Variants in TAS2R38 observed in about 807,000 individuals in gnomAD.
TAS2R38 encodes the protein taste receptor type 2 member 38.
In TAS2R38, 11 loss-of-function variants were observed where a neutral mutation model predicts 16.4. The observed-to-expected ratio is 0.67, with a 90% CI of 0.42 to 1.11. The LOEUF (loss-of-function observed/expected upper bound fraction) is 1.11, where lower values mean the gene tolerates loss of function less well. TAS2R38 is among the 50% of genes least tolerant of loss of function. The pLI is 0.00. For synonymous variants in TAS2R38, 149 were observed against 155.6 expected (o/e 0.96, Z 0.32); for missense variants, 364 against 395.8 (o/e 0.92, Z 0.68).
chr7:141,973,046 A>T lies in TAS2R38; in HGVS notation c.644T>A (p.Met215Lys). 1 of 1,614,158 alleles carries T rather than the reference A, an allele frequency of 6.2e-7. No homozygotes were observed. The highest frequency in any genetic ancestry group is 1.7e-4 in the Middle Eastern group (1 of 6,060). Residue 215 changes from methionine (M) to lysine (K), a missense_variant, in exon 1 of 1, where the codon ATG becomes AAG. Transcript: ENST00000547270. Reference protein sequence around the residue: ...PFLLFLVSSGMLTVSLGRHMR... With the variant: ...PFLLFLVSSGKLTVSLGRHMR... ...GTGCCTTCCCAGGGAGACAGTCAGC[A>T]TCCCAGAAGAAACCAGAAACAATAG... is the stretch of plus-strand genomic sequence containing the variant.
At position 141,973,241 on chromosome 7, in the gene TAS2R38, C is replaced by T. The variant is rs1803399497; in HGVS notation, c.449G>A (p.Cys150Tyr). The change falls in exon 1 of 1, where the codon TGC becomes TAC. Residue 150 changes from cysteine (C) to tyrosine (Y), a missense_variant. By Grantham distance (194) the Cys-to-Tyr change is radical. Transcript: ENST00000547270. ...ISQMLLGIIL[C>Y]SCICTVLCVW... ...ACAGAGGACAGTGCAGATGCAGGAG[C>T]AAAGAATAATACCCAGGAGCATCTG... 1 of 1,614,004 alleles carries T rather than the reference C, an allele frequency of 6.2e-7. No individual in the cohort carries two copies. Among genetic ancestry groups the T allele is most frequent in the Non-Finnish European group, 8.5e-7 (1 of 1,179,978 alleles).
chr7:141,972,865 G>A lies in TAS2R38; in HGVS notation c.825C>T (p.Asp275=). ...ISVPLLILWR[D]KIGVMVCVGI... is the part of the protein sequence containing the mutation. ...CAACACAAACCATCACCCCTATTTT[G>A]TCGCGCCACAGAATCAGTAGGGGCA... Residue 275 remains aspartate, a synonymous_variant, in exon 1 of 1, where the codon GAC becomes GAT. Transcript: ENST00000547270. 1 of 1,614,070 alleles carries A rather than the reference G, an allele frequency of 6.2e-7. No homozygotes were observed.
At position 141,973,667 on chromosome 7, in the gene TAS2R38, C is replaced by A. The variant is rs375588043; in HGVS notation, c.23G>T (p.Arg8Leu). MLTLTRIRTVSYEVRSTF... is the reference protein window; with the variant it reads MLTLTRILTVSYEVRSTF... The stretch of plus-strand genomic sequence containing the variant: ...ACTCCTGACTTCATAGGACACAGTG[C>A]GGATGCGAGTTAGAGTCAACATGAT... Residue 8 changes from arginine (R) to leucine (L), a missense_variant, in exon 1 of 1, where the codon CGC (arginine) becomes CTC (leucine). By Grantham distance (102) the Arg-to-Leu change is moderately radical (BLOSUM62 -2). Transcript: ENST00000547270. The A allele has an allele frequency of 1.7e-5, 27 of 1,613,296 alleles. No homozygotes were observed. Among genetic ancestry groups the A allele is most frequent in the African/African-American group, 2.7e-5 (2 of 74,888 alleles).
chr7:141,973,548 G>T lies in TAS2R38; in HGVS notation c.142C>A (p.Gln48Lys). 6.2e-7 allele frequency: 1 copy of T among 1,614,122 alleles called. No homozygotes were observed. Residue 48 changes from glutamine (Q) to lysine (K), a missense_variant, in exon 1 of 1, where the codon CAG becomes AAG. Coordinates refer to ENST00000547270, the MANE Select transcript of TAS2R38 (RefSeq NM_176817.5). ...ACACAATCACTGTTGCTCAGTGCCT[G>T]CCTCTTCACTACATCCCAAAAATTC... is the stretch of plus-strand genomic sequence containing the variant. ...LVNFWDVVKR[Q>K]ALSNSDCVLL...
chr7:141,973,011 T>A lies in TAS2R38; in HGVS notation c.679A>T (p.Met227Leu). 6.2e-7 allele frequency: 1 copy of A among 1,614,050 alleles called. No individual in the cohort carries two copies. The highest frequency in any genetic ancestry group is 8.5e-7 in the Non-Finnish European group (1 of 1,180,006). The change falls in exon 1 of 1, where the codon ATG (methionine) becomes TTG (leucine). Residue 227 changes from methionine (M) to leucine (L), a missense_variant. By Grantham distance (15) the Met-to-Leu change is conservative. Coordinates refer to ENST00000547270, the MANE Select transcript of TAS2R38 (RefSeq NM_176817.5). ...CGAGAGTTTCTGGTATAGACCTTCA[T>A]TGTCCTCATGTGCCTTCCCAGGGAG... is the stretch of plus-strand genomic sequence containing the variant. ...TVSLGRHMRT[M>L]KVYTRNSRDP...
Position 141,973,035 on chromosome 7 carries a change from A to G in TAS2R38, c.655T>C (p.Ser219Pro). The G allele has an allele frequency of 6.2e-7, 1 of 1,614,114 alleles. No homozygotes were observed. ...FLVSSGMLTVSLGRHMRTMKV... is the reference protein window; with the variant it reads ...FLVSSGMLTVPLGRHMRTMKV... ...ATTGTCCTCATGTGCCTTCCCAGGG[A>G]GACAGTCAGCATCCCAGAAGAAACC... Residue 219 changes from serine to proline, a missense_variant, in exon 1 of 1, where the codon TCC becomes CCC. Ser to Pro is a moderately conservative substitution (Grantham distance 74). Transcript: ENST00000547270.
chr7:141,972,714 T>C lies in TAS2R38; in HGVS notation c.976A>G (p.Lys326Glu). The change falls in exon 1 of 1, where the codon AAG (lysine) becomes GAG (glutamate). Residue 326 changes from lysine (K) to glutamate (E), a missense_variant. By Grantham distance (56) the Lys-to-Glu change is moderately conservative. Coordinates refer to ENST00000547270, the MANE Select transcript of TAS2R38 (RefSeq NM_176817.5). ...QSSLKVRADH[K>E]ADSRTLC The stretch of plus-strand genomic sequence containing the variant: ...CAGCACAGTGTCCGGGAATCTGCCT[T>C]GTGGTCGGCTCTTACCTTCAGGCTG... 6.2e-7 allele frequency: 1 copy of C among 1,612,972 alleles called. No homozygotes were observed. The highest frequency in any genetic ancestry group is 1.1e-5 in the South Asian group (1 of 91,032).
chr7:141,973,324 G>A lies in TAS2R38; in HGVS notation c.366C>T (p.Ile122=). The A allele has an allele frequency of 6.2e-7, 1 of 1,613,994 alleles. No individual in the cohort carries two copies. The highest frequency in any genetic ancestry group is 8.5e-7 in the Non-Finnish European group (1 of 1,180,020). The change falls in exon 1 of 1, where the codon ATC becomes ATT. Residue 122 remains isoleucine (I), a synonymous_variant. Coordinates refer to ENST00000547270, the MANE Select transcript of TAS2R38 (RefSeq NM_176817.5). ...CLSLLYCSKL[I]RFSHTFLICL... ...AGATCAGGAAGGTGTGAGAGAAACG[G>A]ATGAGCTTGGAGCAGTAAAGCAGGC...
Position 141,973,642 on chromosome 7 carries a change from AC to A in TAS2R38, c.47del (p.Ser16IlefsTer16). 4.3e-6 allele frequency: 7 copies of A among 1,614,048 alleles called. No individual in the cohort carries two copies. Among genetic ancestry groups the A allele is most frequent in the Non-Finnish European group, 5.9e-6 (7 of 1,179,990 alleles). ...RIRTVSYEVR[S>X]TFLFISVLEF... The stretch of plus-strand genomic sequence containing the variant: ...CCAGGACTGAAATGAACAGAAATGT[AC>A]TCCTGACTTCATAGGACACAGTGCG... On this transcript the variant is annotated frameshift_variant, in exon 1 of 1. Coordinates refer to ENST00000547270, the MANE Select transcript of TAS2R38 (RefSeq NM_176817.5). LOFTEE classifies it high-confidence loss of function.
In TAS2R38 at chr7:141,972,749, C is replaced by A; in HGVS notation, c.941G>T (p.Trp314Leu). ...TCTTACCTTCAGGCTGCTCTGAGCCCAGAGCAGAATGGTCATCACAGCTCT... is the reference window on the plus strand; with the variant it reads ...TCTTACCTTCAGGCTGCTCTGAGCCAAGAGCAGAATGGTCATCACAGCTCT... ...LRRAVMTILL[W>L]AQSSLKVRAD... Residue 314 changes from tryptophan to leucine, a missense_variant, in exon 1 of 1, where the codon TGG becomes TTG. Trp to Leu is a moderately conservative substitution (Grantham distance 61). Coordinates refer to ENST00000547270, the MANE Select transcript of TAS2R38 (RefSeq NM_176817.5). 6.2e-7 allele frequency: 1 copy of A among 1,614,084 alleles called. No individual in the cohort carries two copies. Among genetic ancestry groups the A allele is most frequent in the Non-Finnish European group, 8.5e-7 (1 of 1,180,012 alleles).
At position 141,973,476 on chromosome 7, in the gene TAS2R38, A is replaced by G; in HGVS notation, c.214T>C (p.Phe72Leu). 1.2e-6 allele frequency: 2 copies of G among 1,614,146 alleles called. No homozygotes were observed. Among genetic ancestry groups the G allele is most frequent in the Non-Finnish European group, 1.7e-6 (2 of 1,180,024 alleles). ...ISRLFLHGLL[F>L]LSAIQLTHFQ... The stretch of plus-strand genomic sequence containing the variant: ...TGGGTAAGCTGGATAGCACTCAGGA[A>G]CAGCAGTCCATGCAGGAAAAGCCGG... Residue 72 changes from phenylalanine to leucine, a missense_variant, in exon 1 of 1, where the codon TTC (phenylalanine) becomes CTC (leucine). Phe to Leu is a conservative substitution (Grantham distance 22). Coordinates refer to ENST00000547270, the MANE Select transcript of TAS2R38 (RefSeq NM_176817.5).
rs139843932 is a variant in TAS2R38, at chr7:141,973,287, A to C, written c.403T>G (p.Trp135Gly). 692 of 1,613,920 alleles carry C rather than the reference A, an allele frequency of 4.3e-4. 3 individuals carry two copies. The African/African-American group carries it at 6.8e-3, about 16-fold the overall frequency. The change falls in exon 1 of 1, where the codon TGG (tryptophan) becomes GGG (glycine). Residue 135 changes from tryptophan to glycine, a missense_variant. Coordinates refer to ENST00000547270, the MANE Select transcript of TAS2R38 (RefSeq NM_176817.5). ...SHTFLICLAS[W>G]VSRKISQMLL... is the part of the protein sequence containing the mutation. ...ATCTGGGAGATCTTCCTGGAGACCC[A>C]GCTTGCCAAGCAGATCAGGAAGGTG...
At position 141,973,117 on chromosome 7, in the gene TAS2R38, T is replaced by C. The variant is rs782637066; in HGVS notation, c.573A>G (p.Leu191=). ...RLNWQIKDLN[L]FYSFLFCYLW... ...GATAGCAGAAGAGAAAGGAATAAAA[T>C]AAATTGAGATCTTTAATCTGCCAGT... The change falls in exon 1 of 1, where the codon TTA becomes TTG. Residue 191 remains leucine, a synonymous_variant. Coordinates refer to ENST00000547270, the MANE Select transcript of TAS2R38 (RefSeq NM_176817.5). 7 of 1,613,892 alleles carry C rather than the reference T, an allele frequency of 4.3e-6. No individual in the cohort carries two copies. The South Asian group carries it at 7.7e-5, about 18-fold the overall frequency.
rs1398833753 is a variant in TAS2R38 at position 141,973,316 on chromosome 7, G to A, written c.374C>T (p.Ser125Phe). 6.2e-7 allele frequency: 1 copy of A among 1,614,016 alleles called. No homozygotes were observed. The highest frequency in any genetic ancestry group is 2.2e-5 in the East Asian group (1 of 44,846). Residue 125 changes from serine to phenylalanine, a missense_variant, in exon 1 of 1, where the codon TCT (serine) becomes TTT (phenylalanine). Physicochemically the swap from Ser to Phe is radical, Grantham distance 155. Transcript: ENST00000547270. ...LLYCSKLIRF[S>F]HTFLICLASW... The stretch of plus-strand genomic sequence containing the variant: ...TGCCAAGCAGATCAGGAAGGTGTGA[G>A]AGAAACGGATGAGCTTGGAGCAGTA...
rs1471160800 is a variant in TAS2R38 at position 141,973,200 on chromosome 7, T to TA, written c.489dup (p.Ser164Ter). On this transcript the variant is annotated frameshift_variant, in exon 1 of 1. Coordinates refer to ENST00000547270, the MANE Select transcript of TAS2R38 (RefSeq NM_176817.5). LOFTEE classifies it high-confidence loss of function. ...GTTGTGACTGTGAAGTGAGGTCTGC[T>TA]AAAAAAGCACCAAACACAGAGGACA... 1 of 1,614,052 alleles carries TA rather than the reference T, an allele frequency of 6.2e-7. No individual in the cohort carries two copies. Among genetic ancestry groups the TA allele is most frequent in the Non-Finnish European group, 8.5e-7 (1 of 1,180,014 alleles).
At position 141,972,855 on chromosome 7, in the gene TAS2R38, C is replaced by A. The variant is rs782439217; in HGVS notation, c.835G>T (p.Val279Leu). 1 of 1,614,130 alleles carries A rather than the reference C, an allele frequency of 6.2e-7. No individual in the cohort carries two copies. The highest frequency in any genetic ancestry group is 8.5e-7 in the Non-Finnish European group (1 of 1,180,018). Residue 279 changes from valine (V) to leucine (L), a missense_variant, in exon 1 of 1, where the codon GTG (valine) becomes TTG (leucine). By Grantham distance (32) the Val-to-Leu change is conservative. Transcript: ENST00000547270. ...LLILWRDKIG[V>L]MVCVGIMAAC... is the part of the protein sequence containing the mutation. ...GCCATTATCCCAACACAAACCATCACCCCTATTTTGTCGCGCCACAGAATC... is the reference window on the plus strand; with the variant it reads ...GCCATTATCCCAACACAAACCATCAACCCTATTTTGTCGCGCCACAGAATC...
In TAS2R38 at chr7:141,973,766, C is replaced by T. The variant is rs975188101; in HGVS notation, c.-77G>A. 4 of 1,504,332 alleles carry T rather than the reference C, an allele frequency of 2.7e-6. No individual in the cohort carries two copies. Among genetic ancestry groups the T allele is most frequent in the Non-Finnish European group, 2.7e-6 (3 of 1,106,274 alleles). 93.2% of individuals were successfully genotyped at this position (1,504,332 alleles called of 1,614,324 possible). A position where few individuals can be genotyped will look rare whatever the true frequency, so the allele number is the denominator to read the frequency against. On this transcript the variant is annotated 5_prime_UTR_variant, in exon 1 of 1. Coordinates refer to ENST00000547270, the MANE Select transcript of TAS2R38 (RefSeq NM_176817.5). ...CTAAAGACCTGGTTGCCACCCAGTG[C>T]AGAAAGGTAAATGTACGTTCCAAGC...
rs781854522 is a variant in TAS2R38 at position 141,973,375 on chromosome 7, G to C, written c.315C>G (p.Ala105=). The C allele has an allele frequency of 6.2e-7, 1 of 1,614,060 alleles. No individual in the cohort carries two copies. The highest frequency in any genetic ancestry group is 8.5e-7 in the Non-Finnish European group (1 of 1,179,980). ...IIMLWMIANQ[A]NLWLAACLSL... The stretch of plus-strand genomic sequence containing the variant: ...TGAGGCAGGCAGCAAGCCAGAGGTT[G>C]GCTTGGTTTGCAATCATCCATAGCA... The change falls in exon 1 of 1, where the codon GCC becomes GCG. Residue 105 remains alanine, a synonymous_variant. Transcript: ENST00000547270.
At position 141,972,870 on chromosome 7, in the gene TAS2R38, G is replaced by A. The variant is rs114288846; in HGVS notation, c.820C>T (p.Arg274Cys). Residue 274 changes from arginine to cysteine, a missense_variant, in exon 1 of 1, where the codon CGC becomes TGC. Physicochemically the swap from Arg to Cys is radical, Grantham distance 180. Transcript: ENST00000547270. The stretch of plus-strand genomic sequence containing the variant: ...CAAACCATCACCCCTATTTTGTCGC[G>A]CCACAGAATCAGTAGGGGCACAGAG... ...FISVPLLILWRDKIGVMVCVG... is the reference protein window; with the variant it reads ...FISVPLLILWCDKIGVMVCVG... The A allele has an allele frequency of 1.0e-3, 1,692 of 1,614,000 alleles. 15 individuals are homozygous for A. In the African/African-American group the frequency reaches 0.02, roughly 19 times the overall value.
Sources: allele counts gnomAD v4.1 joint callset, GRCh38; gene constraint gnomAD v4.1.1; transcripts MANE v1.5; gene names NCBI Gene and HGNC (gene_info 2026-07-23, HGNC 2026-07-21).